Variants in CRPPA observed in about 807,000 individuals in gnomAD.
CRPPA encodes CDP-L-ribitol pyrophosphorylase A.
Under a neutral mutation model 52.0 loss-of-function variants are expected in CRPPA, and 43 were observed. The observed-to-expected ratio is 0.83, with a 90% CI of 0.65 to 1.07. The LOEUF is 1.07. Ranked by LOEUF, CRPPA falls within the 50% of genes least tolerant of loss-of-function variation. The pLI, the probability that CRPPA is intolerant of heterozygous loss-of-function variation, is 0.00. For missense variants in CRPPA, 629 were observed against 551.7 expected (o/e 1.14, Z -1.40); for synonymous variants, 250 against 203.5 (o/e 1.23, Z -1.94).
intron 9 of CRPPA, among the ~76,000 whole-genome samples, chr7:16,200,892 C>G (rs1781836071): frequency 1.3e-5 from 2 of 152,178 alleles, no homozygotes; most frequent in Admixed American, 1.3e-4. Flanking sequence ...TCTTGCTTAA[C>G]AGTCTACCAC....
At chr7:16,230,373 T>A (rs758032791) in intron 8 of CRPPA, among the ~76,000 whole-genome samples, 10 of 152,170 alleles carry the variant, frequency 6.6e-5, no homozygotes, top group Non-Finnish European at 1.2e-4. Flanking sequence ...GGTTCTTTCT[T>A]GTGCTTGGCC....
At position 16,216,046 on chromosome 7, in the gene CRPPA, A is replaced by C; in HGVS notation, c.1251+20T>G. The C allele has an allele frequency of 6.4e-7, 1 of 1,556,388 alleles. No homozygotes were observed. The highest frequency in any genetic ancestry group is 8.7e-7 in the Non-Finnish European group (1 of 1,149,462). ...ACTAGTCTACAGAACATACATTCGG[A>C]AGATAAACATTTTACCTACCTGTGG... is the stretch of plus-strand genomic sequence containing the variant. On this transcript the variant is annotated intron_variant, in intron 9 of 9. Transcript: ENST00000407010.
intron 3 of CRPPA, among the ~76,000 whole-genome samples, chr7:16,367,771 C>A (rs979884718): frequency 6.6e-6 from 1 of 152,086 alleles, no homozygotes; most frequent in African/African-American, 2.4e-5. Flanking sequence ...AGATAAGCGA[C>A]GGGAATCTTT....
intron 9 of CRPPA, among the ~76,000 whole-genome samples, chr7:16,098,713 C>T (rs1426005325): frequency 6.6e-6 from 1 of 152,088 alleles, no homozygotes; most frequent in African/African-American, 2.4e-5. Context: ...TAATTTGAAG[C>T]TAAATTTTCT....
chr7:16,217,870 G>A (rs1782375547), intron 8 of CRPPA, among the ~76,000 whole-genome samples: 1 of 152,034 alleles, frequency 6.6e-6, no homozygotes, highest in Non-Finnish European at 1.5e-5. Context: ...AAACTCTGCA[G>A]GATATTATCC....
chr7:16,169,232 A>C (rs952026109), intron 9 of CRPPA, among the ~76,000 whole-genome samples: 1 of 152,216 alleles, frequency 6.6e-6, no homozygotes, highest in African/African-American at 2.4e-5. Context: ...TATAATTAAA[A>C]GGGAAGAAAA....
chr7:16,330,320 C>T (rs1562635478), intron 3 of CRPPA, among the ~76,000 whole-genome samples: 1 of 152,164 alleles, frequency 6.6e-6, no homozygotes, highest in African/African-American at 2.4e-5. Flanking sequence ...ATCGTCAAGA[C>T]ATATGTTTTT....
chr7:16,224,398 T>G (rs922389310), intron 8 of CRPPA, among the ~76,000 whole-genome samples: 2 of 152,180 alleles, frequency 1.3e-5, no homozygotes, highest in Admixed American at 1.3e-4. Flanking sequence ...GCAGAGTCTA[T>G]GTTCACAATA....
At chr7:16,284,958 C>T (rs1485882782) in intron 5 of CRPPA, among the ~76,000 whole-genome samples, 5 of 152,052 alleles carry the variant, frequency 3.3e-5, no homozygotes, top group East Asian at 1.9e-4. Context: ...CAGAGTTATT[C>T]GAGGATCCCC....
chr7:16,227,773 C>G (rs558224135), intron 8 of CRPPA, among the ~76,000 whole-genome samples: 1 of 151,874 alleles, frequency 6.6e-6, no homozygotes, highest in South Asian at 2.1e-4. Flanking sequence ...TCTATTTTTG[C>G]TTTCGTAGCC....
intron 3 of CRPPA, among the ~76,000 whole-genome samples, chr7:16,340,833 T>C (rs976775613): frequency 6.6e-6 from 1 of 152,142 alleles, no homozygotes; most frequent in African/African-American, 2.4e-5. Context: ...ATTTATAATT[T>C]CTAAAGCTTG....
At chr7:16,388,828 A>C (rs1787363960) in intron 2 of CRPPA, among the ~76,000 whole-genome samples, 1 of 152,202 alleles carries the variant, frequency 6.6e-6, no homozygotes, top group East Asian at 1.9e-4. Flanking sequence ...GTGAGCTGAG[A>C]TGGCGCCACT....
chr7:16,102,275 C>T (rs1399192059), intron 9 of CRPPA, among the ~76,000 whole-genome samples: 1 of 151,226 alleles, frequency 6.6e-6, no homozygotes, highest in African/African-American at 2.5e-5. Flanking sequence ...TGAAACTGGA[C>T]CCCTTCCTTA....
chr7:16,240,889 G>C (rs1783089494), intron 8 of CRPPA, among the ~76,000 whole-genome samples: 1 of 152,120 alleles, frequency 6.6e-6, no homozygotes, highest in Non-Finnish European at 1.5e-5. Flanking sequence ...CCTCTATGAA[G>C]CTAAAGTAAG....
chr7:16,142,756 C>A (rs558072099), intron 9 of CRPPA, among the ~76,000 whole-genome samples: 14 of 152,234 alleles, frequency 9.2e-5, no homozygotes, highest in Admixed American at 6.5e-4. Context: ...GTGTTAAATT[C>A]TAATGAGGTA....
chr7:16,132,646 GA>G (rs1351583588), intron 9 of CRPPA, among the ~76,000 whole-genome samples: 3 of 124,534 alleles, frequency 2.4e-5, no homozygotes, highest in African/African-American at 7.8e-5. Context: ...ACATAAGCTT[GA>G]ACTGCATGGG....
chr7:16,143,952 G>T (rs1444674893), intron 9 of CRPPA, among the ~76,000 whole-genome samples: 1 of 152,134 alleles, frequency 6.6e-6, no homozygotes, highest in African/African-American at 2.4e-5. Flanking sequence ...CAAGATGGGG[G>T]AACAGGAGGT....
intron 2 of CRPPA, among the ~76,000 whole-genome samples, chr7:16,399,615 GTGAC>G (rs1322312320): frequency 1.3e-5 from 2 of 152,080 alleles, no homozygotes; most frequent in African/African-American, 2.4e-5. Flanking sequence ...TGTCCAACAC[GTGAC>G]TGACCCGATC....
intron 3 of CRPPA, among the ~76,000 whole-genome samples, chr7:16,348,664 C>G (rs1036464399): frequency 1.3e-5 from 2 of 152,216 alleles, no homozygotes; most frequent in African/African-American, 4.8e-5. Flanking sequence ...GCTGCACACT[C>G]TTTCATTGGT....
Sources: gnomAD v4.1 joint callset for allele counts (sites outside exome capture counted in the v4.1 genomes callset) on GRCh38, gnomAD v4.1.1 for gene constraint, MANE v1.5 for transcripts, NCBI Gene and HGNC (gene_info 2026-07-23, HGNC 2026-07-21) for gene names.